The following FAM8A1 variants were observed in gnomAD, a reference collection of about 807,000 sequenced individuals.
The protein encoded by FAM8A1 is family with sequence similarity 8 member A1.
Under a neutral mutation model 38.3 loss-of-function variants are expected in FAM8A1, and 18 were observed. The ratio of observed to expected loss-of-function variants is 0.47; its 90% CI spans 0.33 to 0.70. The LOEUF (loss-of-function observed/expected upper bound fraction) is 0.70, where lower values mean the gene tolerates loss of function less well. Among genes scored for constraint, FAM8A1 ranks in the 30% least tolerant of loss-of-function variants. FAM8A1 has a pLI of 0.03. For missense variants in FAM8A1, 559 were observed against 559.6 expected (o/e 1.00, Z 0.01); for synonymous variants, 246 against 234.4 (o/e 1.05, Z -0.45).
chr6:17,600,811 C>T lies in FAM8A1; in HGVS notation c.402C>T (p.Gly134=). Residue 134 remains glycine, a synonymous_variant, in exon 1 of 5, where the codon GGC becomes GGT. Transcript: ENST00000259963. ...GCGGCTACCTCACCTGGCACAGCGG[C>T]CTGGCCGCCTTCCCAGCCTACTGCA... ...SYCGYLTWHS[G]LAAFPAYCSP... is the part of the protein sequence containing the mutation. 6.2e-7 allele frequency: 1 copy of T among 1,611,004 alleles called. No individual in the cohort carries two copies.
rs1178571298 is a variant in FAM8A1 at position 17,611,207 on chromosome 6, G to GTGTT, written c.*2870_*2873dup. 1 of 152,214 alleles carries GTGTT rather than the reference G, an allele frequency of 6.6e-6. No individual in the cohort carries two copies. Among genetic ancestry groups the GTGTT allele is most frequent in the Non-Finnish European group, 1.5e-5 (1 of 68,010 alleles). The allele number at this position is 152,214 out of a possible 1,614,324, so 9.4% of individuals were successfully genotyped here. A position where few individuals can be genotyped will look rare whatever the true frequency, so the allele number is the denominator to read the frequency against. On this transcript the variant is annotated 3_prime_UTR_variant, in exon 5 of 5. Transcript: ENST00000259963. ...CTACTTCGCCCAAATTACAAAATGA[G>GTGTT]TGTTTTTAGATTCAAGTGACAGTAA...
rs958030780 is a variant in FAM8A1 at position 17,610,392 on chromosome 6, C to T, written c.*2053C>T. 1 of 152,110 alleles carries T rather than the reference C, an allele frequency of 6.6e-6. No homozygotes were observed. The highest frequency in any genetic ancestry group is 1.5e-5 in the Non-Finnish European group (1 of 68,006). The allele number at this position is 152,110 out of a possible 1,614,324, so 9.4% of individuals were successfully genotyped here. A position where few individuals can be genotyped will look rare whatever the true frequency, so the allele number is the denominator to read the frequency against. The stretch of plus-strand genomic sequence containing the variant: ...ATTCAGATTAGTATCTATGTAGGTT[C>T]AGTCAGATCCAACCATGGATTCGAG... On this transcript the variant is annotated 3_prime_UTR_variant, in exon 5 of 5. Coordinates refer to ENST00000259963, the MANE Select transcript of FAM8A1 (RefSeq NM_016255.3).
chr6:17,605,036 T>C lies in FAM8A1; in HGVS notation c.957+7T>C. ...ATTAGTTTGTTTCTATGAGGTAAGC[T>C]ACTGACTTCAGCAAGAATTAATATT... On this transcript the variant is annotated splice_region_variant and intron_variant, in intron 3 of 4. Transcript: ENST00000259963. The C allele has an allele frequency of 3.1e-6, 5 of 1,598,946 alleles. No homozygotes were observed. Among genetic ancestry groups the C allele is most frequent in the Non-Finnish European group, 3.4e-6 (4 of 1,174,260 alleles).
At position 17,608,130 on chromosome 6, in the gene FAM8A1, G is replaced by C. The variant is rs946972919; in HGVS notation, c.1098-65G>C. 4 of 1,525,680 alleles carry C rather than the reference G, an allele frequency of 2.6e-6. No individual in the cohort carries two copies. The Admixed American group carries it at 7.0e-5, about 27-fold the overall frequency. 94.5% of individuals were successfully genotyped at this position (1,525,680 alleles called of 1,614,324 possible). A position where few individuals can be genotyped will look rare whatever the true frequency, so the allele number is the denominator to read the frequency against. ...TAAATGTCTATTTTGAACTTGATGG[G>C]ATACCATTAATCTATATGTGGTTTG... On this transcript the variant is annotated intron_variant, in intron 4 of 4. Coordinates refer to ENST00000259963, the MANE Select transcript of FAM8A1 (RefSeq NM_016255.3).
At position 17,600,511 on chromosome 6, in the gene FAM8A1, C is replaced by A; in HGVS notation, c.102C>A (p.Thr34=). 6.5e-7 allele frequency: 1 copy of A among 1,534,886 alleles called. No homozygotes were observed. Among genetic ancestry groups the A allele is most frequent in the Non-Finnish European group, 8.7e-7 (1 of 1,145,338 alleles). ...CTTCCCTGAGAGGCCCTCCTACCACCGCCGTCCCATGCCCCCGCGACGACC... is the reference window on the plus strand; with the variant it reads ...CTTCCCTGAGAGGCCCTCCTACCACAGCCGTCCCATGCCCCCGCGACGACC... The part of the protein sequence containing the change: ...PVPSLRGPPT[T]AVPCPRDDPQ... The change falls in exon 1 of 5, where the codon ACC becomes ACA. Residue 34 remains threonine (T), a synonymous_variant. Coordinates refer to ENST00000259963, the MANE Select transcript of FAM8A1 (RefSeq NM_016255.3).
At chr6:17,602,891 G>GA (rs1207938169) in intron 2 of FAM8A1, among the ~76,000 whole-genome samples, 181 bp downstream of exon 2, 4 of 151,664 alleles carry the variant, frequency 2.6e-5, no homozygotes, top group Non-Finnish European at 5.9e-5. Context: ...AACTAGAAAG[G>GA]AAAAAAAATA....
chr6:17,610,169 C>T lies in FAM8A1; in HGVS notation c.*1830C>T, dbSNP rs1764119580. ...TACACTAGCATTAGTTTATACACCA[C>T]TTTTGCCGCTGGGGAATTCAAGTTG... On this transcript the variant is annotated 3_prime_UTR_variant, in exon 5 of 5. Transcript: ENST00000259963. The T allele has an allele frequency of 6.6e-6, 1 of 152,058 alleles. No individual in the cohort carries two copies. Among genetic ancestry groups the T allele is most frequent in the Non-Finnish European group, 1.5e-5 (1 of 67,988 alleles). The allele number at this position is 152,058 out of a possible 1,614,324, so 9.4% of individuals were successfully genotyped here. A position where few individuals can be genotyped will look rare whatever the true frequency, so the allele number is the denominator to read the frequency against.
In FAM8A1 at chr6:17,607,706, T is replaced by C. The variant is rs772765322; in HGVS notation, c.1098-489T>C. On this transcript the variant is annotated intron_variant, in intron 4 of 4. Transcript: ENST00000259963. Reference sequence around the variant, plus strand: ...AGAAATCTAACATAAGTAGGATAATTCTCCATCCTGAGTGATTGTTGAAAG... The same window carrying C: ...AGAAATCTAACATAAGTAGGATAATCCTCCATCCTGAGTGATTGTTGAAAG... Among the ~76,000 whole-genome samples the C allele has an allele frequency of 5.9e-5, 9 of 152,260 alleles. No homozygotes were observed. The South Asian group carries it at 1.5e-3, about 25-fold the overall frequency.
rs542861549 is a variant in FAM8A1, at chr6:17,605,120, A to T, written c.957+91A>T. ...TTTTGAGACAGAGTCTCGCTCTGTC[A>T]CCCAGGCTGGAGTGCAGTGGTGTGA... is the stretch of plus-strand genomic sequence containing the variant. On this transcript the variant is annotated intron_variant, in intron 3 of 4. Transcript: ENST00000259963. The T allele has an allele frequency of 5.0e-6, 6 of 1,198,716 alleles. No individual in the cohort carries two copies. The African/African-American group carries it at 7.8e-5, about 16-fold the overall frequency. 74.3% of individuals were successfully genotyped at this position (1,198,716 alleles called of 1,614,324 possible). A position where few individuals can be genotyped will look rare whatever the true frequency, so the allele number is the denominator to read the frequency against.
chr6:17,600,454 G>T lies in FAM8A1; in HGVS notation c.45G>T (p.Gln15His). ...AAGCCCGAGGCCACCCTCCCGGGCA[G>T]GACGATGGCGGAGGGGACCACGAGC... ...PEEARGHPPG[Q>H]DDGGGDHEPV... Residue 15 changes from glutamine to histidine, a missense_variant, in exon 1 of 5, where the codon CAG becomes CAT. Coordinates refer to ENST00000259963, the MANE Select transcript of FAM8A1 (RefSeq NM_016255.3). The T allele has an allele frequency of 6.7e-7, 1 of 1,487,310 alleles. No homozygotes were observed. Among genetic ancestry groups the T allele is most frequent in the Non-Finnish European group, 8.9e-7 (1 of 1,120,540 alleles). 92.1% of individuals were successfully genotyped at this position (1,487,310 alleles called of 1,614,324 possible).
rs774296980 is a variant in FAM8A1, at chr6:17,606,030, G to C, written c.1097+17G>C. On this transcript the variant is annotated intron_variant, in intron 4 of 4. Transcript: ENST00000259963. Reference sequence around the variant, plus strand: ...CATTACAACGTAAGTCCTTTTCTTAGCTTAATCTACTACATACTTAATGAA... The same window carrying C: ...CATTACAACGTAAGTCCTTTTCTTACCTTAATCTACTACATACTTAATGAA... The C allele has an allele frequency of 2.7e-6, 4 of 1,500,524 alleles. No homozygotes were observed. The highest frequency in any genetic ancestry group is 3.6e-6 in the Non-Finnish European group (4 of 1,111,978). 93.0% of individuals were successfully genotyped at this position (1,500,524 alleles called of 1,614,324 possible).
intron 3 of FAM8A1, among the ~76,000 whole-genome samples, chr6:17,605,667 AAAT>A (rs1764042819): frequency 1.3e-5 from 2 of 152,216 alleles, no homozygotes; most frequent in Non-Finnish European, 1.5e-5. Flanking sequence ...AGTCATAGAG[AAAT>A]ATTACAGGAG....
Position 17,600,395 on chromosome 6 carries a change from GC to G in FAM8A1, c.-14del, listed in dbSNP as rs1763962503. 1 of 1,400,304 alleles carries G rather than the reference GC, an allele frequency of 7.1e-7. No homozygotes were observed. The highest frequency in any genetic ancestry group is 3.5e-5 in the Admixed American group (1 of 28,286). The allele number at this position is 1,400,304 out of a possible 1,614,324, so 86.7% of individuals were successfully genotyped here. A position where few individuals can be genotyped will look rare whatever the true frequency, so the allele number is the denominator to read the frequency against. ...AGCAGTGACAGGTATCCCAGAGGGT[GC>G]TGCTGAGGCGACGATGGCCGAGGGG... is the stretch of plus-strand genomic sequence containing the variant. On this transcript the variant is annotated 5_prime_UTR_variant, in exon 1 of 5. Coordinates refer to ENST00000259963, the MANE Select transcript of FAM8A1 (RefSeq NM_016255.3).
intron 3 of FAM8A1, among the ~76,000 whole-genome samples, chr6:17,605,506 A>G (rs1764041045): frequency 6.6e-6 from 1 of 152,240 alleles, no homozygotes; most frequent in African/African-American, 2.4e-5. Context: ...TTAAGTAAAA[A>G]CTTTTGGAAG....
intron 1 of FAM8A1, among the ~76,000 whole-genome samples, chr6:17,602,053 C>A (rs1763992533): frequency 6.6e-6 from 1 of 152,176 alleles, no homozygotes; most frequent in African/African-American, 2.4e-5. Flanking sequence ...AGGGTGGGGA[C>A]AAGGTCTGCT....
intron 4 of FAM8A1, among the ~76,000 whole-genome samples, chr6:17,607,424 T>C (rs1764069583): frequency 6.6e-6 from 1 of 151,282 alleles, no homozygotes; most frequent in Non-Finnish European, 1.5e-5. Context: ...AGATAGAGAC[T>C]ATTGATCTAT....
chr6:17,607,692 A>G (rs1198862456), intron 4 of FAM8A1, among the ~76,000 whole-genome samples: 1 of 152,206 alleles, frequency 6.6e-6, no homozygotes, highest in Non-Finnish European at 1.5e-5. Flanking sequence ...GAAATCTAAC[A>G]TAAGTAGGAT....
In FAM8A1 at chr6:17,602,517, T is replaced by G. The variant is rs1452985074; in HGVS notation, c.713-73T>G. 7 of 1,471,982 alleles carry G rather than the reference T, an allele frequency of 4.8e-6. No homozygotes were observed. The East Asian group carries it at 1.4e-4, about 29-fold the overall frequency. 91.2% of individuals were successfully genotyped at this position (1,471,982 alleles called of 1,614,324 possible). A position where few individuals can be genotyped will look rare whatever the true frequency, so the allele number is the denominator to read the frequency against. ...ACCTTGACTTTCTTTAGCAATTCAT[T>G]ACATGGCTTGTGTTCCAAGGCTTAT... On this transcript the variant is annotated intron_variant, in intron 1 of 4. Transcript: ENST00000259963.
chr6:17,600,826 A>G lies in FAM8A1; in HGVS notation c.417A>G (p.Pro139=), dbSNP rs140966924. ...GGCACAGCGGCCTGGCCGCCTTCCCAGCCTACTGCAGCCCCCAGCCCTCCC... is the reference window on the plus strand; with the variant it reads ...GGCACAGCGGCCTGGCCGCCTTCCCGGCCTACTGCAGCCCCCAGCCCTCCC... ...LTWHSGLAAF[P]AYCSPQPSPQ... Residue 139 remains proline, a synonymous_variant, in exon 1 of 5, where the codon CCA becomes CCG. Coordinates refer to ENST00000259963, the MANE Select transcript of FAM8A1 (RefSeq NM_016255.3). 13 of 1,580,674 alleles carry G rather than the reference A, an allele frequency of 8.2e-6. No homozygotes were observed. In the African/African-American group the frequency reaches 1.8e-4, roughly 22 times the overall value.
Sources: allele counts gnomAD v4.1 joint callset (sites outside exome capture counted in the v4.1 genomes callset), GRCh38; gene constraint gnomAD v4.1.1; transcripts MANE v1.5; gene names NCBI Gene and HGNC (gene_info 2026-07-23, HGNC 2026-07-21).